PHF3: variants seen among roughly 807,000 people sequenced by gnomAD.
The protein encoded by PHF3 is PHD finger protein 3.
A neutral mutation model predicts 178.4 loss-of-function variants in PHF3; 41 were observed. The ratio of observed to expected loss-of-function variants is 0.23; its 90% CI spans 0.18 to 0.30. The LOEUF is 0.30. PHF3 is among the 10% of genes least tolerant of loss of function. PHF3 has a pLI of 1.00. For synonymous variants in PHF3, 842 were observed against 800.5 expected (o/e 1.05, Z -0.88); for missense variants, 2,346 against 2,398.1 (o/e 0.98, Z 0.45).
intron 13 of PHF3, among the ~76,000 whole-genome samples, chr6:63,707,720 CCTGT>C (rs901866052): frequency 5.4e-5 from 8 of 147,386 alleles, no homozygotes; most frequent in African/African-American, 1.0e-4. Context: ...AAATCATTTG[CCTGT>C]CTTTTTTTTT....
rs1329081449 is a variant in PHF3, at chr6:63,711,190, A to T, written c.3825A>T (p.Thr1275=). ...AGGAAATTTGTGTGGTTCGCTTCAC[A>T]CCAGTAACTGAAGAAGATCAAATTT... ...GTKEICVVRF[T]PVTEEDQISY... The change falls in exon 15 of 16, where the codon ACA becomes ACT. Residue 1275 remains threonine (T), a synonymous_variant. Coordinates refer to ENST00000262043, the MANE Select transcript of PHF3 (RefSeq NM_001370348.2). 6.2e-7 allele frequency: 1 copy of T among 1,606,308 alleles called. No homozygotes were observed. The highest frequency in any genetic ancestry group is 1.7e-5 in the Admixed American group (1 of 58,948).
chr6:63,650,160 C>G (rs1232603621), intron 2 of PHF3, among the ~76,000 whole-genome samples: 5 of 152,118 alleles, frequency 3.3e-5, no homozygotes, highest in African/African-American at 1.2e-4. Flanking sequence ...ACCAACAAAA[C>G]AGACATACTG....
intron 1 of PHF3, among the ~76,000 whole-genome samples, chr6:63,642,241 C>A (rs1764607009): frequency 6.6e-6 from 1 of 152,210 alleles, no homozygotes; most frequent in Non-Finnish European, 1.5e-5. Context: ...CCTAGAATAT[C>A]CTCTGGACCA....
At chr6:63,702,746 C>G in intron 10 of PHF3, 107 bp downstream of exon 10, 1 of 1,088,916 alleles carries the variant, frequency 9.2e-7, no homozygotes, top group Admixed American at 2.3e-5. Flanking sequence ...AATATGCATC[C>G]ATTTAAAAGT....
intron 11 of PHF3, among the ~76,000 whole-genome samples, chr6:63,705,741 A>C (rs906227565): frequency 1.3e-5 from 2 of 152,202 alleles, no homozygotes; most frequent in Non-Finnish European, 2.9e-5. Flanking sequence ...AATTAACTTT[A>C]TTACAGGTAG....
In PHF3 at chr6:63,718,657, T is replaced by A. The variant is rs557177916; in HGVS notation, c.*4949T>A. On this transcript the variant is annotated 3_prime_UTR_variant, in exon 16 of 16. Coordinates refer to ENST00000262043, the MANE Select transcript of PHF3 (RefSeq NM_001370348.2). ...GAAAATCTGGCTATATGTGCATTTG[T>A]TTTTGGGAAAGGGAGGACTCTGGAT... 1.3e-5 allele frequency among the ~76,000 whole-genome samples: 2 copies of A among 151,984 alleles called. No individual in the cohort carries two copies. The highest frequency in any genetic ancestry group is 2.9e-5 in the Non-Finnish European group (2 of 67,948).
intron 4 of PHF3, among the ~76,000 whole-genome samples, chr6:63,688,368 A>G (rs1265889978): frequency 0.013 from 15 of 1,128 alleles, no homozygotes; most frequent in African/African-American, 0.019. Context: ...ACAAAGTCTC[A>G]CTGTTGCCCA....
rs550554796 is a variant in PHF3, at chr6:63,660,038, T to TTGTG, written c.244+13255_244+13258dup. ...GCAAGATTAGGATGTTATTTTGTTT[T>TTGTG]TGTGTGTGTGTGTGTTTCTTTTTAG... is the stretch of plus-strand genomic sequence containing the variant. On this transcript the variant is annotated intron_variant, in intron 2 of 15. Transcript: ENST00000262043. Among the ~76,000 whole-genome samples the TTGTG allele has an allele frequency of 2.0e-5, 3 of 152,018 alleles. No homozygotes were observed. In the East Asian group the frequency reaches 5.8e-4, roughly 29 times the overall value.
intron 2 of PHF3, among the ~76,000 whole-genome samples, chr6:63,675,224 T>C (rs1046289051): frequency 6.6e-6 from 1 of 152,126 alleles, no homozygotes; most frequent in Non-Finnish European, 1.5e-5. Context: ...ATTTATTCCA[T>C]TTCTCAACAG....
At chr6:63,644,463 C>T (rs1298506067) in intron 1 of PHF3, among the ~76,000 whole-genome samples, 1 of 152,032 alleles carries the variant, frequency 6.6e-6, no homozygotes, top group Non-Finnish European at 1.5e-5. Flanking sequence ...CTTTCTTTGG[C>T]ACTGAGATGA....
chr6:63,692,493 A>G (rs1424909288), intron 5 of PHF3, among the ~76,000 whole-genome samples: 1 of 152,216 alleles, frequency 6.6e-6, no homozygotes, highest in Non-Finnish European at 1.5e-5. Flanking sequence ...AATAGGAGAA[A>G]TGTATAAAGG....
intron 3 of PHF3, 80 bp from the exon 4 acceptor site, chr6:63,684,049 A>G (rs1056353115): frequency 3.0e-5 from 33 of 1,084,600 alleles, no homozygotes; most frequent in Non-Finnish European, 3.9e-5. Flanking sequence ...TAAAGAAGTG[A>G]TATATTCTAA....
Position 63,684,439 on chromosome 6 carries a change from G to A in PHF3, c.717G>A (p.Lys239=), listed in dbSNP as rs777539925. The part of the protein sequence containing the change: ...KDEDGLDSKH[K]CNNPGEIDVP... ...AAGATGGATTAGATTCTAAGCATAA[G>A]TGTAATAATCCGGGAGAAATAGATG... is the stretch of plus-strand genomic sequence containing the variant. Residue 239 remains lysine (K), a synonymous_variant, in exon 4 of 16, where the codon AAG becomes AAA. Transcript: ENST00000262043. The A allele has an allele frequency of 8.1e-6, 13 of 1,613,884 alleles. No individual in the cohort carries two copies. In the African/African-American group the frequency reaches 1.5e-4, roughly 18 times the overall value.
Position 63,711,709 on chromosome 6 carries a change from T to G in PHF3, c.4121T>G (p.Ile1374Arg). The change falls in exon 16 of 16, where the codon ATA becomes AGA. Residue 1374 changes from isoleucine (I) to arginine (R), a missense_variant. Around this residue, in one of 8 missense-constraint regions of PHF3, gnomAD observed 839 missense variants for 806.9 expected, o/e 1.04. Transcript: ENST00000262043. ...GAGACTCCTGAAAGTGCACCACCAATAGCATTGCCACCTGATAAAAAAAGT... is the reference window on the plus strand; with the variant it reads ...GAGACTCCTGAAAGTGCACCACCAAGAGCATTGCCACCTGATAAAAAAAGT... ...IAETPESAPP[I>R]ALPPDKKSKI... is the part of the protein sequence containing the mutation. The G allele has an allele frequency of 6.2e-7, 1 of 1,613,974 alleles. No homozygotes were observed.
chr6:63,693,235 G>A (rs1338668973), intron 5 of PHF3, among the ~76,000 whole-genome samples: 1 of 152,130 alleles, frequency 6.6e-6, no homozygotes, highest in Non-Finnish European at 1.5e-5. Flanking sequence ...CTTACGTACA[G>A]CTTCTTGGCC....
rs762115183 is a variant in PHF3 at position 63,713,752 on chromosome 6, ATGT to A, written c.*48_*50del. The stretch of plus-strand genomic sequence containing the variant: ...GGATTACATTTAAATAACTGTTAAA[ATGT>A]TGTATCTTGTAAACAAAAGAAAGAT... On this transcript the variant is annotated 3_prime_UTR_variant, in exon 16 of 16. Transcript: ENST00000262043. The A allele has an allele frequency of 4.1e-5, 59 of 1,426,908 alleles. 2 individuals carry two copies. The African/African-American group carries it at 6.8e-4, about 16-fold the overall frequency. The allele number at this position is 1,426,908 out of a possible 1,614,324, so 88.4% of individuals were successfully genotyped here.
intron 13 of PHF3, among the ~76,000 whole-genome samples, chr6:63,708,510 A>G (rs2149608671): frequency 6.6e-6 from 1 of 152,268 alleles, no homozygotes; most frequent in South Asian, 2.1e-4. Flanking sequence ...TAAAGTAGTT[A>G]ATAATTTAAA....
chr6:63,686,204 A>G (rs534923473), intron 4 of PHF3: 19 of 323,786 alleles, frequency 5.9e-5, no homozygotes, highest in Middle Eastern at 8.5e-4. Flanking sequence ...TGCATCTGCA[A>G]AAAAGCCAAA....
At chr6:63,710,627 G>A (rs1012177437) in intron 14 of PHF3, among the ~76,000 whole-genome samples, 2 of 152,052 alleles carry the variant, frequency 1.3e-5, no homozygotes, top group African/African-American at 2.4e-5. Context: ...CAAAATTTAC[G>A]GTCTATATGT....
Sources: allele counts gnomAD v4.1 joint callset (sites outside exome capture counted in the v4.1 genomes callset), GRCh38; gene constraint gnomAD v4.1.1; regional missense constraint gnomAD v4.1.1; transcripts MANE v1.5; gene names NCBI Gene and HGNC (gene_info 2026-07-23, HGNC 2026-07-21).